EGFLAM: variants seen among roughly 807,000 people sequenced by gnomAD.
EGFLAM encodes the protein pikachurin.
Under a neutral mutation model 113.1 loss-of-function variants are expected in EGFLAM, and 79 were observed. That is an observed-to-expected ratio of 0.70 (90% CI 0.58 to 0.84). EGFLAM has a LOEUF of 0.84. Among genes scored for constraint, EGFLAM ranks in the 40% least tolerant of loss-of-function variants. EGFLAM has a pLI of 0.00. For missense variants in EGFLAM, 1,265 were observed against 1,291.6 expected (o/e 0.98, Z 0.32); for synonymous variants, 504 against 487.6 (o/e 1.03, Z -0.44).
At chr5:38,294,044 G>T (rs1303365956) in intron 1 of EGFLAM, among the ~76,000 whole-genome samples, 1 of 152,188 alleles carries the variant, frequency 6.6e-6, no homozygotes, top group African/African-American at 2.4e-5. Flanking sequence ...TGATTTGTAA[G>T]AGTTATCATC....
At chr5:38,336,369 C>T (rs956746727) in intron 1 of EGFLAM, among the ~76,000 whole-genome samples, 3 of 152,132 alleles carry the variant, frequency 2.0e-5, no homozygotes, top group South Asian at 2.1e-4. Flanking sequence ...GTCAGGAGAT[C>T]GAGACCATCT....
chr5:38,409,693 G>A (rs546552824), intron 10 of EGFLAM, among the ~76,000 whole-genome samples: 13 of 152,156 alleles, frequency 8.5e-5, no homozygotes, highest in Non-Finnish European at 1.5e-4. Flanking sequence ...TCTCCCTTTG[G>A]CAAATGTGGC....
intron 5 of EGFLAM, among the ~76,000 whole-genome samples, chr5:38,353,486 C>T (rs1274251616): frequency 6.6e-6 from 1 of 152,182 alleles, no homozygotes; most frequent in Non-Finnish European, 1.5e-5. Flanking sequence ...AAAGGATTCT[C>T]CCAAGATTTG....
chr5:38,442,730 A>G lies in EGFLAM; in HGVS notation c.2464+4275A>G, dbSNP rs537120636. Among the ~76,000 whole-genome samples the G allele has an allele frequency of 2.6e-5, 4 of 151,600 alleles. No individual in the cohort carries two copies. The South Asian group carries it at 8.6e-4, about 32-fold the overall frequency. ...GAACTTGTAATAGCACAATTCTAAGATGGTTGCCAAGATTCCTGCACCTTT... is the reference window on the plus strand; with the variant it reads ...GAACTTGTAATAGCACAATTCTAAGGTGGTTGCCAAGATTCCTGCACCTTT... On this transcript the variant is annotated intron_variant, in intron 17 of 21. Coordinates refer to ENST00000322350, the MANE Select transcript of EGFLAM (RefSeq NM_152403.4).
At chr5:38,429,717 C>G (rs1032041767) in intron 14 of EGFLAM, among the ~76,000 whole-genome samples, 1 of 152,080 alleles carries the variant, frequency 6.6e-6, no homozygotes, top group South Asian at 2.1e-4. Context: ...TGAAAAATTT[C>G]AAACATATAG....
chr5:38,369,405 G>A (rs1740148296), intron 5 of EGFLAM, among the ~76,000 whole-genome samples: 1 of 152,192 alleles, frequency 6.6e-6, no homozygotes, highest in African/African-American at 2.4e-5. Flanking sequence ...ACATAGGGTA[G>A]TGGTACCATA....
Position 38,326,826 on chromosome 5 carries a change from T to C in EGFLAM, c.98-10694T>C, listed in dbSNP as rs1328746303. Among the ~76,000 whole-genome samples, 13 of 114,208 alleles carry C rather than the reference T, an allele frequency of 1.1e-4. No homozygotes were observed. In the Admixed American group the frequency reaches 1.3e-3, roughly 12 times the overall value. 74.9% of individuals were successfully genotyped at this position (114,208 alleles called of 152,430 possible). Reference sequence around the variant, plus strand: ...ATTTTTTTTTTTTTTTGAGACAGAGTTTTGCTCTGTCACCCAGGCTGGCGT... The same window carrying C: ...ATTTTTTTTTTTTTTTGAGACAGAGCTTTGCTCTGTCACCCAGGCTGGCGT... On this transcript the variant is annotated intron_variant, in intron 1 of 21. Transcript: ENST00000322350.
intron 15 of EGFLAM, 40 bp downstream of exon 15, chr5:38,431,328 G>A: frequency 6.3e-7 from 1 of 1,590,370 alleles, no homozygotes; most frequent in South Asian, 1.1e-5. Context: ...GTTAGTGTGA[G>A]CCAGATTACT....
Position 38,325,680 on chromosome 5 carries a change from G to A in EGFLAM, c.98-11840G>A, listed in dbSNP as rs192838166. On this transcript the variant is annotated intron_variant, in intron 1 of 21. Transcript: ENST00000322350. ...AAATTCAAGTGGTAAAGATACTGGC[G>A]CACTATATGGGTAAACCATAATTTA... Among the ~76,000 whole-genome samples the A allele has an allele frequency of 1.8e-4, 28 of 152,184 alleles. 1 individual carries two copies. Among genetic ancestry groups the A allele is most frequent in the African/African-American group, 6.3e-4 (26 of 41,532 alleles).
intron 11 of EGFLAM, among the ~76,000 whole-genome samples, chr5:38,413,670 C>A (rs1036946027): frequency 6.6e-6 from 1 of 152,166 alleles, no homozygotes; most frequent in African/African-American, 2.4e-5. Context: ...AAAAATGTAG[C>A]AAGAAAGCCT....
At chr5:38,396,063 TAAAAGCCTCC>T (rs1740953945) in intron 6 of EGFLAM, among the ~76,000 whole-genome samples, 1 of 151,962 alleles carries the variant, frequency 6.6e-6, no homozygotes, top group African/African-American at 2.4e-5. Context: ...ACCCACTCTT[TAAAAGCCTCC>T]TATTCATTCT....
chr5:38,360,758 G>A (rs562870439), intron 5 of EGFLAM, among the ~76,000 whole-genome samples: 1 of 152,258 alleles, frequency 6.6e-6, no homozygotes, highest in Non-Finnish European at 1.5e-5. Flanking sequence ...TGGCTTACTC[G>A]ATGGGTCTTT....
intron 1 of EGFLAM, among the ~76,000 whole-genome samples, chr5:38,298,807 C>T (rs907489843): frequency 2.0e-5 from 3 of 151,778 alleles, no homozygotes; most frequent in African/African-American, 4.8e-5. Context: ...CTCAGGTGAT[C>T]CTCCCACCTC....
Position 38,406,970 on chromosome 5 carries a change from A to G in EGFLAM, c.971A>G (p.Gln324Arg). 6.2e-7 allele frequency: 1 copy of G among 1,614,198 alleles called. No homozygotes were observed. The highest frequency in any genetic ancestry group is 1.1e-5 in the South Asian group (1 of 91,082). Residue 324 changes from glutamine to arginine, a missense_variant, in exon 8 of 22, where the codon CAG (glutamine) becomes CGG (arginine). Gln to Arg is a conservative substitution (Grantham distance 43). Transcript: ENST00000322350. ...ASLPVTTVAP[Q>R]PIPIQRKGKN... ...CTCCCTGTGACCACGGTGGCTCCCC[A>G]GCCCATTCCCATACAGAGAAAGGGG...
At chr5:38,425,808 A>G (rs547746008) in intron 13 of EGFLAM, among the ~76,000 whole-genome samples, 79 of 152,292 alleles carry the variant, frequency 5.2e-4, no homozygotes, top group African/African-American at 1.4e-3. Flanking sequence ...TGCTCTTTAG[A>G]ATTTCTGTCA....
intron 1 of EGFLAM, among the ~76,000 whole-genome samples, chr5:38,276,223 C>G (rs189761074): frequency 1.3e-5 from 2 of 152,214 alleles, no homozygotes; most frequent in South Asian, 4.2e-4. Context: ...CTCACTATCA[C>G]GAGAACAACA....
intron 1 of EGFLAM, among the ~76,000 whole-genome samples, chr5:38,316,034 G>A (rs1240115930): frequency 4.2e-5 from 6 of 143,448 alleles, no homozygotes; most frequent in Admixed American, 7.1e-5. Context: ...CTCAGATCGC[G>A]CCACTGCACC....
In EGFLAM at chr5:38,462,943, A is replaced by G. The variant is rs780208688; in HGVS notation, c.2807A>G (p.Tyr936Cys). ...GQSGKITVDD[Y>C]GARTGKSPGM... ...TCAGGAAAGATAACCGTGGATGACT[A>G]TGGAGCCAGAACAGGCAAATCCCCA... Residue 936 changes from tyrosine to cysteine, a missense_variant, in exon 21 of 22, where the codon TAT (tyrosine) becomes TGT (cysteine). Coordinates refer to ENST00000322350, the MANE Select transcript of EGFLAM (RefSeq NM_152403.4). 5 of 1,614,178 alleles carry G rather than the reference A, an allele frequency of 3.1e-6. No individual in the cohort carries two copies. The Admixed American group carries it at 5.0e-5, about 16-fold the overall frequency.
At chr5:38,295,660 A>T (rs931587540) in intron 1 of EGFLAM, among the ~76,000 whole-genome samples, 1 of 152,144 alleles carries the variant, frequency 6.6e-6, no homozygotes, top group South Asian at 2.1e-4. Flanking sequence ...ACCCCTTTTA[A>T]CTTCCCCTAT....
Sources: allele counts gnomAD v4.1 joint callset (sites outside exome capture counted in the v4.1 genomes callset), GRCh38; gene constraint gnomAD v4.1.1; transcripts MANE v1.5; gene names NCBI Gene and HGNC (gene_info 2026-07-23, HGNC 2026-07-21).